CARNMT1: variants seen among roughly 807,000 people sequenced by gnomAD.
The protein encoded by CARNMT1 is carnosine N-methyltransferase 1.
Under a neutral mutation model 49.6 loss-of-function variants are expected in CARNMT1, and 28 were observed. The ratio of observed to expected loss-of-function variants is 0.56; its 90% CI spans 0.42 to 0.77. CARNMT1 has a LOEUF of 0.77. CARNMT1 is among the 30% of genes least tolerant of loss of function. CARNMT1 has a pLI of 0.00. For missense variants in CARNMT1, 421 were observed against 512.6 expected, an observed-to-expected ratio of 0.82 and a Z score of 1.73; for synonymous variants, 178 against 175.0, an observed-to-expected ratio of 1.02 and a Z score of -0.13.
At chr9:75,010,461 T>C (rs1043497547) in intron 3 of CARNMT1, among the ~76,000 whole-genome samples, 2 of 152,132 alleles carry the variant, frequency 1.3e-5, no homozygotes, top group African/African-American at 4.8e-5. Context: ...CAGATTAGCA[T>C]AGTAAATAAT....
rs73542689 is a variant in CARNMT1, at chr9:75,024,098, C to T, written c.230+3914G>A. On this transcript the variant is annotated intron_variant, in intron 1 of 7. Coordinates refer to ENST00000376834, the MANE Select transcript of CARNMT1 (RefSeq NM_152420.3). ...TTTAGTCACCTGTCATCAGGGTGAG[C>T]CCACACCAGGTCTGATCTAAAGGCC... Among the ~76,000 whole-genome samples the T allele has an allele frequency of 5.9e-3, 898 of 152,270 alleles. 10 individuals are homozygous for T. Among genetic ancestry groups the T allele is most frequent in the African/African-American group, 0.021 (866 of 41,556 alleles).
chr9:75,028,428 A>T, upstream of CARNMT1: 1 of 1,278,032 alleles, frequency 7.8e-7, no homozygotes, highest in Non-Finnish European at 9.8e-7. Flanking sequence ...GGCTCCCAGA[A>T]CCAATGCGCA....
chr9:75,006,173 T>A (rs556516129), intron 3 of CARNMT1, among the ~76,000 whole-genome samples: 1 of 152,168 alleles, frequency 6.6e-6, no homozygotes, highest in East Asian at 1.9e-4. Context: ...TGCCTTGGCC[T>A]CCCAGGTAGC....
chr9:75,007,350 GA>G (rs1564099879), intron 3 of CARNMT1, among the ~76,000 whole-genome samples: 1 of 152,046 alleles, frequency 6.6e-6, no homozygotes, highest in African/African-American at 2.4e-5. Context: ...ATTAATGGAA[GA>G]AAAAACATAT....
chr9:74,999,940 C>T (rs1833305887), intron 3 of CARNMT1, 70 bp from the exon 4 acceptor site: 1 of 1,434,164 alleles, frequency 7.0e-7, no homozygotes, highest in Admixed American at 2.3e-5. Context: ...TCCACATTAA[C>T]AACTAAAAAC....
chr9:74,999,643 T>C, intron 4 of CARNMT1, 87 bp downstream of exon 4: 1 of 1,188,740 alleles, frequency 8.4e-7, no homozygotes. Context: ...TATGTACTTA[T>C]CTTCAAATTC....
intron 1 of CARNMT1, among the ~76,000 whole-genome samples, chr9:75,025,173 T>C (rs1379314585): frequency 6.6e-6 from 1 of 152,248 alleles, no homozygotes; most frequent in Non-Finnish European, 1.5e-5. Flanking sequence ...TTTTCTCTGC[T>C]TCTTGGGAGC....
chr9:74,984,013 A>G (rs898240189), intron 7 of CARNMT1, 145 bp from the exon 8 acceptor site: 10 of 460,796 alleles, frequency 2.2e-5, no homozygotes, highest in Non-Finnish European at 3.8e-5. Context: ...GAGAGGTACT[A>G]TTAATATTAG....
At chr9:74,992,243 G>A (rs1394719365) in intron 6 of CARNMT1, among the ~76,000 whole-genome samples, 1 of 151,526 alleles carries the variant, frequency 6.6e-6, no homozygotes, top group African/African-American at 2.4e-5. Context: ...CTGCACTCCA[G>A]CCTGGGTGAC....
At position 75,007,225 on chromosome 9, in the gene CARNMT1, C is replaced by G. The variant is rs148327368; in HGVS notation, c.591-7355G>C. Among the ~76,000 whole-genome samples the G allele has an allele frequency of 7.1e-3, 1,078 of 152,206 alleles. 7 individuals are homozygous for G. The highest frequency in any genetic ancestry group is 0.011 in the Non-Finnish European group (774 of 68,008). ...GCTAGAAACTTTAAGAATATAACATCTTTTTGGAAACAACAATGTTTATTT... is the reference window on the plus strand; with the variant it reads ...GCTAGAAACTTTAAGAATATAACATGTTTTTGGAAACAACAATGTTTATTT... On this transcript the variant is annotated intron_variant, in intron 3 of 7. Transcript: ENST00000376834.
In CARNMT1 at chr9:74,983,910, T is replaced by A. The variant is rs759463559; in HGVS notation, c.1129-42A>T. On this transcript the variant is annotated intron_variant, in intron 7 of 7. Coordinates refer to ENST00000376834, the MANE Select transcript of CARNMT1 (RefSeq NM_152420.3). ...AATCATAATACTATGACAGTCATCATGACCACACCACTAACAAATTCTGAG... is the reference window on the plus strand; with the variant it reads ...AATCATAATACTATGACAGTCATCAAGACCACACCACTAACAAATTCTGAG... 4 of 1,388,340 alleles carry A rather than the reference T, an allele frequency of 2.9e-6. No individual in the cohort carries two copies. The South Asian group carries it at 4.2e-5, about 14-fold the overall frequency. 86.0% of individuals were successfully genotyped at this position (1,388,340 alleles called of 1,614,324 possible).
intron 1 of CARNMT1, among the ~76,000 whole-genome samples, chr9:75,020,570 T>C (rs903809329): frequency 5.3e-5 from 8 of 152,168 alleles, no homozygotes; most frequent in Middle Eastern, 6.8e-3. Context: ...CCAGCCTTCA[T>C]TTTCATTTTC....
intron 1 of CARNMT1, among the ~76,000 whole-genome samples, chr9:75,024,125 T>C (rs1262830949): frequency 2.6e-5 from 4 of 152,152 alleles, no homozygotes; most frequent in South Asian, 2.1e-4. Context: ...CTAAAGGCCA[T>C]GGTCACAGGC....
chr9:75,016,206 T>G (rs910118837), intron 3 of CARNMT1, 62 bp downstream of exon 3: 14 of 1,267,752 alleles, frequency 1.1e-5, no homozygotes, highest in African/African-American at 1.5e-5. Context: ...TGAAACATTT[T>G]ATCAAGAAAC....
In CARNMT1 at chr9:75,028,250, C is replaced by T; in HGVS notation, c.-9G>A. On this transcript the variant is annotated 5_prime_UTR_variant, in exon 1 of 8. Coordinates refer to ENST00000376834, the MANE Select transcript of CARNMT1 (RefSeq NM_152420.3). ...CGACGCCGTCGCTGCATCGCCGCCG[C>T]GGCCCTCGGCCTGGCTCGCTTGCGT... 1 of 1,369,396 alleles carries T rather than the reference C, an allele frequency of 7.3e-7. No individual in the cohort carries two copies. The highest frequency in any genetic ancestry group is 9.4e-7 in the Non-Finnish European group (1 of 1,065,068). 84.8% of individuals were successfully genotyped at this position (1,369,396 alleles called of 1,614,324 possible).
Position 75,028,197 on chromosome 9 carries a change from G to A in CARNMT1, c.45C>T (p.Pro15=). ...CACCGCCTCCTCCCCCGCAGCCCTC[G>A]GGCAGCCGGGAGGTGGGCGGCGGAG... ...RRPPPPTSRL[P]EGCGGGGGGS... is the part of the protein sequence containing the mutation. The change falls in exon 1 of 8, where the codon CCC becomes CCT. Residue 15 remains proline, a synonymous_variant. Transcript: ENST00000376834. 3 of 1,486,918 alleles carry A rather than the reference G, an allele frequency of 2.0e-6. No homozygotes were observed. Among genetic ancestry groups the A allele is most frequent in the African/African-American group, 1.5e-5 (1 of 68,402 alleles). 92.1% of individuals were successfully genotyped at this position (1,486,918 alleles called of 1,614,324 possible).
chr9:74,984,027 T>C (rs1214140639), intron 7 of CARNMT1, among the ~76,000 whole-genome samples, 159 bp from the exon 8 acceptor site: 3 of 152,186 alleles, frequency 2.0e-5, no homozygotes, highest in African/African-American at 7.2e-5. Flanking sequence ...ATATTAGTAG[T>C]CTCACTTTAC....
At chr9:75,020,429 AG>A (rs2118867070) in intron 1 of CARNMT1, among the ~76,000 whole-genome samples, 1 of 151,452 alleles carries the variant, frequency 6.6e-6, no homozygotes, top group Admixed American at 6.6e-5. Flanking sequence ...CACCATGCCC[AG>A]CTGATTTTTG....
intron 6 of CARNMT1, among the ~76,000 whole-genome samples, chr9:74,986,313 TCTC>T (rs1470433144): frequency 2.0e-5 from 3 of 152,188 alleles, no homozygotes; most frequent in Non-Finnish European, 2.9e-5. Context: ...TTTCTTTCTC[TCTC>T]CTTTCTGTAT....
Sources: allele counts gnomAD v4.1 joint callset (sites outside exome capture counted in the v4.1 genomes callset), GRCh38; gene constraint gnomAD v4.1.1; transcripts MANE v1.5; gene names NCBI Gene and HGNC (gene_info 2026-07-23, HGNC 2026-07-21).